Variants in PCYT1B observed in about 807,000 individuals in gnomAD.
The protein encoded by PCYT1B is choline-phosphate cytidylyltransferase B.
Under a neutral mutation model 26.4 loss-of-function variants are expected in PCYT1B, and 10 were observed. The ratio of observed to expected loss-of-function variants is 0.38; its 90% CI spans 0.23 to 0.64. PCYT1B has a LOEUF of 0.64. Among genes scored for constraint, PCYT1B ranks in the 30% least tolerant of loss-of-function variants. The pLI is 0.56. For missense variants in PCYT1B, 161 were observed against 292.7 expected (o/e 0.55, Z 3.28); for synonymous variants, 131 against 108.4 (o/e 1.21, Z -1.29).
At chrX:24,656,234 G>GGGT (rs774312526) in intron 1 of PCYT1B, among the ~76,000 whole-genome samples, 1 of 99,693 alleles carries the variant, frequency 1.0e-5, no homozygotes, top group Non-Finnish European at 2.0e-5. Context: ...GGTCGCGGGG[G>GGGT]GGGGTGGTAA....
At position 24,647,120 on chromosome X, in the gene PCYT1B, C is replaced by G; in HGVS notation, c.-15G>C. ...ACTACTGGCATGGCCAGTGAATGCT[C>G]CCTCTAGCTCTACACCCTCAGAGAG... On this transcript the variant is annotated 5_prime_UTR_variant, in exon 1 of 8. Coordinates refer to ENST00000379144, the MANE Select transcript of PCYT1B (RefSeq NM_004845.5). 8.3e-7 allele frequency: 1 copy of G among 1,207,799 alleles called. No homozygotes were observed. Among genetic ancestry groups the G allele is most frequent in the East Asian group, 3.0e-5 (1 of 33,744 alleles).
upstream of PCYT1B, among the ~76,000 whole-genome samples, chrX:24,648,785 G>C (rs1926705484): frequency 9.0e-6 from 1 of 110,721 alleles, no homozygotes; most frequent in South Asian, 3.8e-4. Context: ...TAATGCTGCA[G>C]GTCTGGGAAC....
At chrX:24,629,570 A>AAAAAAC (rs1925987023) in intron 1 of PCYT1B, among the ~76,000 whole-genome samples, 3 of 98,090 alleles carry the variant, frequency 3.1e-5, no homozygotes, top group Non-Finnish European at 4.1e-5. Flanking sequence ...AAAAAAAAAA[A>AAAAAAC]AAAAAAAAAA....
rs372108320 is a variant in PCYT1B, at chrX:24,641,120, G to A, written c.117+5869C>T. Among the ~76,000 whole-genome samples the A allele has an allele frequency of 7.2e-5, 8 of 111,248 alleles. No homozygotes were observed. The East Asian group carries it at 2.0e-3, about 28-fold the overall frequency. ...GGCTAATTTTTGTATTTTTAGTAGA[G>A]ATGGGTTTTCACCAGGTTGGCCAGG... On this transcript the variant is annotated intron_variant, in intron 1 of 7. Coordinates refer to ENST00000379144, the MANE Select transcript of PCYT1B (RefSeq NM_004845.5).
intron 1 of PCYT1B, among the ~76,000 whole-genome samples, chrX:24,669,445 A>G (rs1405682783): frequency 2.2e-5 from 2 of 91,543 alleles, no homozygotes; most frequent in East Asian, 8.1e-4. Flanking sequence ...TGAACCCAGG[A>G]GCCGAGATCG....
chrX:24,644,490 G>A (rs944149018), intron 1 of PCYT1B, among the ~76,000 whole-genome samples: 2 of 79,223 alleles, frequency 2.5e-5, no homozygotes, highest in African/African-American at 1.1e-4. Context: ...ACACACACAC[G>A]AAACCAGAAC....
chrX:24,657,076 C>T (rs113094079), intron 1 of PCYT1B, among the ~76,000 whole-genome samples: 1,359 of 111,527 alleles, frequency 0.012, 19 homozygotes, highest in African/African-American at 0.042. Flanking sequence ...GCTGTGTAGT[C>T]AGTAAAGAAT....
intron 1 of PCYT1B, among the ~76,000 whole-genome samples, chrX:24,641,981 T>G (rs1396789790): frequency 1.8e-5 from 2 of 112,613 alleles, no homozygotes; most frequent in Non-Finnish European, 3.7e-5. Context: ...ATGCAGGGAC[T>G]TTTCTTAACT....
chrX:24,610,066 G>A (rs895068284), intron 2 of PCYT1B, among the ~76,000 whole-genome samples: 2 of 110,988 alleles, frequency 1.8e-5, no homozygotes, highest in African/African-American at 6.5e-5. Flanking sequence ...ACTCCAGCCT[G>A]GGTGGCAGAG....
At position 24,593,437 on chromosome X, in the gene PCYT1B, CTTTCTTTCTTTTCTTTTCTTTTCT is replaced by C. The variant is rs1286773652; in HGVS notation, c.335-3287_335-3264del. The stretch of plus-strand genomic sequence containing the variant: ...CTTTCTCTCTTTCTTTCTTTCCTTT[CTTTCTTTCTTTTCTTTTCTTTTCT>C]TTTCTTTTCTTTTCTTTTCTTTTCT... On this transcript the variant is annotated intron_variant, in intron 3 of 7. Coordinates refer to ENST00000379144, the MANE Select transcript of PCYT1B (RefSeq NM_004845.5). Among the ~76,000 whole-genome samples, 195 of 73,781 alleles carry C rather than the reference CTTTCTTTCTTTTCTTTTCTTTTCT, an allele frequency of 2.6e-3. 2 individuals are homozygous for C. Among genetic ancestry groups the C allele is most frequent in the Middle Eastern group, 0.022 (3 of 134 alleles). 64.1% of individuals were successfully genotyped at this position (73,781 alleles called of 115,157 possible).
At chrX:24,671,123 A>G (rs1002813729) in intron 1 of PCYT1B, among the ~76,000 whole-genome samples, 1 of 110,060 alleles carries the variant, frequency 9.1e-6, no homozygotes, top group Non-Finnish European at 1.9e-5. Flanking sequence ...GCCCACCACC[A>G]TGCCTGGCTA....
intron 1 of PCYT1B, among the ~76,000 whole-genome samples, chrX:24,645,388 A>G (rs1254939450): frequency 1.8e-5 from 2 of 109,704 alleles, no homozygotes; most frequent in Non-Finnish European, 3.8e-5. Flanking sequence ...ACATATATAT[A>G]TATACACACA....
At chrX:24,604,934 A>G (rs1481132357) in intron 3 of PCYT1B, among the ~76,000 whole-genome samples, 4 of 111,621 alleles carry the variant, frequency 3.6e-5, no homozygotes, top group Non-Finnish European at 7.5e-5. Context: ...TAAACCTACT[A>G]TAGAGGACAT....
intron 2 of PCYT1B, among the ~76,000 whole-genome samples, chrX:24,613,396 C>A (rs1925370195): frequency 8.9e-6 from 1 of 111,814 alleles, no homozygotes; most frequent in Non-Finnish European, 1.9e-5. Flanking sequence ...GCCATTGCTA[C>A]TAGCTAATGA....
chrX:24,574,284 T>C (rs1923949911), intron 7 of PCYT1B, among the ~76,000 whole-genome samples: 1 of 111,573 alleles, frequency 9.0e-6, no homozygotes, highest in Non-Finnish European at 1.9e-5. Flanking sequence ...GTCTCTAAAG[T>C]AAACTTTTCG....
intron 6 of PCYT1B, among the ~76,000 whole-genome samples, chrX:24,578,275 G>A (rs770619314): frequency 2.4e-4 from 26 of 110,394 alleles, no homozygotes; most frequent in Non-Finnish European, 4.4e-4. Context: ...ACTCATAAGT[G>A]GGAGCTGAAC....
intron 1 of PCYT1B, among the ~76,000 whole-genome samples, chrX:24,644,296 T>C (rs906005547): frequency 9.0e-6 from 1 of 111,687 alleles, no homozygotes; most frequent in Non-Finnish European, 1.9e-5. Context: ...GTTTTATAAA[T>C]TGGTTGCAAG....
At chrX:24,591,668 C>T (rs748280521) in intron 3 of PCYT1B, among the ~76,000 whole-genome samples, 3 of 111,325 alleles carry the variant, frequency 2.7e-5, no homozygotes, top group Admixed American at 1.9e-4. Context: ...AGTGATCCAC[C>T]GGTCTCAGCC....
intron 1 of PCYT1B, among the ~76,000 whole-genome samples, chrX:24,639,772 T>C (rs1465350181): frequency 1.8e-5 from 2 of 111,557 alleles, no homozygotes; most frequent in Non-Finnish European, 3.8e-5. Context: ...CCTTGCCAGC[T>C]TCCTTGCCAC....
Sources: allele counts gnomAD v4.1 joint callset (sites outside exome capture counted in the v4.1 genomes callset), GRCh38; gene constraint gnomAD v4.1.1; transcripts MANE v1.5; gene names NCBI Gene and HGNC (gene_info 2026-07-23, HGNC 2026-07-21).